Variants in ENTPD5 observed in about 807,000 individuals in gnomAD.
ENTPD5 encodes the protein ectonucleoside triphosphate diphosphohydrolase 5 (inactive).
A neutral mutation model predicts 60.2 loss-of-function variants in ENTPD5; 49 were observed. That is an observed-to-expected ratio of 0.81 (90% CI 0.65 to 1.03). The LOEUF is 1.03. ENTPD5 is among the 50% of genes least tolerant of loss of function. The pLI, the probability that ENTPD5 is intolerant of heterozygous loss-of-function variation, is 0.00. For missense variants in ENTPD5, 480 were observed against 507.6 expected, an observed-to-expected ratio of 0.95 and a Z score of 0.52; for synonymous variants, 187 against 185.4, an observed-to-expected ratio of 1.01 and a Z score of -0.07.
intron 3 of ENTPD5, among the ~76,000 whole-genome samples, chr14:74,010,011 C>T (rs1445691066): frequency 6.6e-6 from 1 of 152,098 alleles, no homozygotes; most frequent in South Asian, 2.1e-4. Context: ...AGGATGGTCT[C>T]GATCTCCTGA....
chr14:73,986,918 G>A, intron 4 of ENTPD5, 25 bp from the exon 5 acceptor site: 1 of 1,589,410 alleles, frequency 6.3e-7, no homozygotes, highest in Non-Finnish European at 8.6e-7. Context: ...GAACAAAACA[G>A]AAGAGAGAGC....
intron 10 of ENTPD5, among the ~76,000 whole-genome samples, chr14:73,975,682 G>A (rs2057411656): frequency 1.3e-5 from 2 of 152,104 alleles, no homozygotes; most frequent in African/African-American, 4.8e-5. Context: ...GGGATTACAG[G>A]CATGAAGCCA....
chr14:74,017,346 T>C (rs1402183924), intron 1 of ENTPD5, among the ~76,000 whole-genome samples: 1 of 144,090 alleles, frequency 6.9e-6, no homozygotes, highest in Non-Finnish European at 1.5e-5. Context: ...AAAGCCATGA[T>C]CATGCTGGCA....
At chr14:73,972,036 A>T in intron 13 of ENTPD5, 128 bp from the exon 14 acceptor site, 1 of 684,964 alleles carries the variant, frequency 1.5e-6, no homozygotes, top group Non-Finnish European at 2.6e-6. Context: ...CTTATTTACA[A>T]TCTATTCCAT....
rs777311777 is a variant in ENTPD5 at position 73,974,939 on chromosome 14, C to A, written c.769G>T (p.Ala257Ser). 46 of 1,613,566 alleles carry A rather than the reference C, an allele frequency of 2.9e-5. No homozygotes were observed. The highest frequency in any genetic ancestry group is 3.5e-5 in the Non-Finnish European group (41 of 1,179,658). ...CCAGACAAACCTTCTGTCTCCAGGGCTCCCAGGGTTGCTAGTCTTGCAGCT... is the reference window on the plus strand; with the variant it reads ...CCAGACAAACCTTCTGTCTCCAGGGATCCCAGGGTTGCTAGTCTTGCAGCT... ...LKAARLATLG[A>S]LETEGTDGHT... is the part of the protein sequence containing the mutation. The change falls in exon 11 of 16, where the codon GCC (alanine) becomes TCC (serine). Residue 257 changes from alanine to serine, a missense_variant. By Grantham distance (99) the Ala-to-Ser change is moderately conservative. Transcript: ENST00000334696.
rs45466097 is a variant in ENTPD5 at position 73,966,992 on chromosome 14, A to G, written c.1223T>C (p.Ile408Thr). The G allele has an allele frequency of 3.7e-6, 6 of 1,614,190 alleles. No homozygotes were observed. The highest frequency in any genetic ancestry group is 5.1e-6 in the Non-Finnish European group (6 of 1,179,996). Residue 408 changes from isoleucine to threonine, a missense_variant, in exon 16 of 16, where the codon ATA becomes ACA. Transcript: ENST00000334696. The part of the protein sequence containing the change: ...VLQLTKKVNN[I>T]ETGWALGATF... Reference sequence around the variant, plus strand: ...GGCCCCCAAGGCCCAGCCCGTCTCTATGTTGTTCACTTTCTTTGTGAGCTG... The same window carrying G: ...GGCCCCCAAGGCCCAGCCCGTCTCTGTGTTGTTCACTTTCTTTGTGAGCTG...
intron 15 of ENTPD5, among the ~76,000 whole-genome samples, chr14:73,969,678 C>G (rs546585428): frequency 6.6e-6 from 1 of 151,640 alleles, no homozygotes; most frequent in Non-Finnish European, 1.5e-5. Flanking sequence ...CACTCCAGCC[C>G]AGGAAACAAG....
intron 3 of ENTPD5, 101 bp from the exon 4 acceptor site, chr14:73,988,273 T>G: frequency 8.7e-7 from 1 of 1,149,338 alleles, no homozygotes; most frequent in Non-Finnish European, 1.2e-6. Context: ...TCCTTCCCTA[T>G]TCTAATAACC....
intron 3 of ENTPD5, chr14:73,996,035 T>G (rs2058331151): frequency 1.9e-6 from 1 of 533,630 alleles, no homozygotes. Flanking sequence ...CACTCTGGCT[T>G]CCCTTCTTCC....
At chr14:74,005,329 C>G (rs2140821538) in intron 3 of ENTPD5, among the ~76,000 whole-genome samples, 1 of 134,052 alleles carries the variant, frequency 7.5e-6, no homozygotes, top group East Asian at 2.6e-4. Context: ...CGTGGTGGCT[C>G]ATGCCTGCCT....
chr14:73,969,320 C>T (rs921016587), intron 15 of ENTPD5, among the ~76,000 whole-genome samples: 1 of 152,160 alleles, frequency 6.6e-6, no homozygotes, highest in African/African-American at 2.4e-5. Context: ...GCACTTGCAT[C>T]CTGCTTGCAC....
downstream of ENTPD5, chr14:73,958,011 T>C (rs929743877): frequency 3.0e-5 from 23 of 777,750 alleles, no homozygotes; most frequent in Middle Eastern, 1.4e-3. Flanking sequence ...ACCACAGCAT[T>C]AATTACTGAT....
intron 15 of ENTPD5, 66 bp downstream of exon 15, chr14:73,969,944 G>C (rs2057149259): frequency 8.9e-7 from 1 of 1,117,760 alleles, no homozygotes; most frequent in Non-Finnish European, 1.4e-6. Context: ...TACTGAACAA[G>C]CTCTTACTCC....
intron 3 of ENTPD5, among the ~76,000 whole-genome samples, chr14:73,991,812 A>G (rs1326838932): frequency 2.0e-5 from 3 of 151,380 alleles, no homozygotes; most frequent in Non-Finnish European, 4.4e-5. Flanking sequence ...GTATATTTAC[A>G]TATAAAATAT....
intron 3 of ENTPD5, among the ~76,000 whole-genome samples, chr14:73,989,204 G>A (rs1460421109): frequency 6.6e-6 from 1 of 152,164 alleles, no homozygotes; most frequent in African/African-American, 2.4e-5. Context: ...TCAGGTGGGA[G>A]GATTGCTTGA....
intron 5 of ENTPD5, among the ~76,000 whole-genome samples, chr14:73,985,545 G>A (rs561466588): frequency 6.6e-6 from 1 of 152,236 alleles, no homozygotes; most frequent in East Asian, 1.9e-4. Context: ...GTCTTCTTTT[G>A]AGAAGTGTCT....
At chr14:73,973,591 T>C (rs1227940901) in intron 12 of ENTPD5, among the ~76,000 whole-genome samples, 1 of 152,178 alleles carries the variant, frequency 6.6e-6, no homozygotes, top group Non-Finnish European at 1.5e-5. Context: ...TGGGCTCAAG[T>C]GATCCTCTTG....
chr14:74,018,104 C>T (rs2059107534), intron 1 of ENTPD5, among the ~76,000 whole-genome samples: 1 of 151,596 alleles, frequency 6.6e-6, no homozygotes, highest in Non-Finnish European at 1.5e-5. Flanking sequence ...ATCGCTTGAA[C>T]CAAGGAGGTG....
At chr14:73,983,770 A>C (rs567085277) in intron 5 of ENTPD5, among the ~76,000 whole-genome samples, 3 of 150,792 alleles carry the variant, frequency 2.0e-5, no homozygotes, top group African/African-American at 7.3e-5. Context: ...GGCTCACTGC[A>C]ACCTCCACCT....
Sources: gnomAD v4.1 joint callset for allele counts (sites outside exome capture counted in the v4.1 genomes callset) on GRCh38, gnomAD v4.1.1 for gene constraint, MANE v1.5 for transcripts, NCBI Gene and HGNC (gene_info 2026-07-23, HGNC 2026-07-21) for gene names.